TP53BP1: variants seen among roughly 807,000 people sequenced by gnomAD.
The protein encoded by TP53BP1 is tumor protein p53 binding protein 1.
Under a neutral mutation model 200.8 loss-of-function variants are expected in TP53BP1, and 61 were observed. That is an observed-to-expected ratio of 0.30 (90% confidence interval 0.25 to 0.38). The LOEUF is 0.38. TP53BP1 is among the 10% of genes least tolerant of loss of function. The pLI, the probability that TP53BP1 is intolerant of heterozygous loss-of-function variation, is 1.00. For synonymous variants in TP53BP1, 822 were observed against 844.3 expected, an observed-to-expected ratio of 0.97 and a Z score of 0.46; for missense variants, 2,144 against 2,371.9, an observed-to-expected ratio of 0.90 and a Z score of 2.00.
chr15:43,480,138 C>CA (rs2078941964), intron 5 of TP53BP1, 121 bp from the exon 6 acceptor site: 3 of 847,236 alleles, frequency 3.5e-6, no homozygotes, highest in African/African-American at 3.5e-5. Flanking sequence ...GTGCACCCCC[C>CA]AAATTTTTCA....
chr15:43,412,570 G>T (rs553883113), intron 24 of TP53BP1: 1 of 423,198 alleles, frequency 2.4e-6, no homozygotes, highest in East Asian at 7.1e-5. Flanking sequence ...TTAAAGAGAG[G>T]TATAAGAGTT....
chr15:43,433,913 T>C (rs774101158), intron 16 of TP53BP1, among the ~76,000 whole-genome samples: 1 of 152,170 alleles, frequency 6.6e-6, no homozygotes, highest in Admixed American at 6.5e-5. Context: ...CTTTCCTACG[T>C]AGACAGGGTA....
At chr15:43,436,847 G>A (rs1175311630) in intron 16 of TP53BP1, among the ~76,000 whole-genome samples, 1 of 151,980 alleles carries the variant, frequency 6.6e-6, no homozygotes, top group Admixed American at 6.6e-5. Flanking sequence ...CCTCACGACT[G>A]TTCTAAGAGA....
chr15:43,460,267 T>C (rs1436411550), intron 11 of TP53BP1, among the ~76,000 whole-genome samples: 1 of 152,112 alleles, frequency 6.6e-6, no homozygotes, highest in East Asian at 1.9e-4. Flanking sequence ...TTGTTTTGTT[T>C]TGTTTTGTTT....
At position 43,408,225 on chromosome 15, in the gene TP53BP1, C is replaced by A. The variant is rs529590288; in HGVS notation, c.5601-137G>T. 25 of 920,646 alleles carry A rather than the reference C, an allele frequency of 2.7e-5. 1 individual carries two copies. The Admixed American group carries it at 5.0e-4, about 18-fold the overall frequency. 57.0% of individuals were successfully genotyped at this position (920,646 alleles called of 1,614,324 possible). A position where few individuals can be genotyped will look rare whatever the true frequency, so the allele number is the denominator to read the frequency against. ...AGACATAGTGTCTCAAGCCTGTAAT[C>A]CCAGCACTTTGGGAGGCTGTCGTGG... On this transcript the variant is annotated intron_variant, in intron 26 of 27. Transcript: ENST00000382044.
At chr15:43,450,700 A>C (rs2046145912) in intron 12 of TP53BP1, among the ~76,000 whole-genome samples, 1 of 152,174 alleles carries the variant, frequency 6.6e-6, no homozygotes, top group Admixed American at 6.5e-5. Flanking sequence ...AGAGGTCTCC[A>C]AACTGTTAAC....
At chr15:43,439,389 A>T (rs2045876120) in intron 15 of TP53BP1, among the ~76,000 whole-genome samples, 1 of 152,114 alleles carries the variant, frequency 6.6e-6, no homozygotes, top group Admixed American at 6.5e-5. Flanking sequence ...AAACACAAAA[A>T]TTAGCCCCTG....
intron 1 of TP53BP1, among the ~76,000 whole-genome samples, chr15:43,499,330 G>A (rs1311503356): frequency 2.0e-5 from 3 of 152,014 alleles, no homozygotes; most frequent in Non-Finnish European, 4.4e-5. Context: ...TTACCTGTGT[G>A]GCAAAATAAT....
At chr15:43,479,162 G>T (rs1181585540) in intron 7 of TP53BP1, among the ~76,000 whole-genome samples, 6 of 152,100 alleles carry the variant, frequency 3.9e-5, no homozygotes, top group Admixed American at 3.9e-4. Flanking sequence ...AATCACATGA[G>T]CCCAGGGCAA....
chr15:43,447,485 T>C lies in TP53BP1; in HGVS notation c.2717A>G (p.Glu906Gly). Residue 906 changes from glutamate (E) to glycine (G), a missense_variant and splice_region_variant, in exon 13 of 28, where the codon GAA becomes GGA. Glu to Gly is a moderately conservative substitution (Grantham distance 98, BLOSUM62 -2). Transcript: ENST00000382044. ...ASQSFCESSS[E>G]TPFHFTLPKE... ...AGGCAAAGTGAAATGAAATGGGGTT[T>C]CTGAAAAAAAAAAAAAAAAGAAAAA... 7.3e-7 allele frequency: 1 copy of C among 1,377,558 alleles called. No homozygotes were observed. Among genetic ancestry groups the C allele is most frequent in the Admixed American group, 2.8e-5 (1 of 35,378 alleles). The allele number at this position is 1,377,558 out of a possible 1,614,324, so 85.3% of individuals were successfully genotyped here.
intron 1 of TP53BP1, among the ~76,000 whole-genome samples, chr15:43,500,976 G>C (rs1231495449): frequency 6.6e-6 from 1 of 152,024 alleles, no homozygotes; most frequent in Non-Finnish European, 1.5e-5. Flanking sequence ...CAAGTCTGCA[G>C]TGAGCAGTGA....
chr15:43,491,855 A>C (rs1239168104), intron 3 of TP53BP1, 102 bp from the exon 4 acceptor site: 10 of 1,135,226 alleles, frequency 8.8e-6, no homozygotes, highest in Middle Eastern at 1.9e-4. Flanking sequence ...TGACACTAGC[A>C]CATCAACTTT....
chr15:43,413,504 T>A (rs1467891538), intron 23 of TP53BP1, among the ~76,000 whole-genome samples, 170 bp from the exon 24 acceptor site: 1 of 152,192 alleles, frequency 6.6e-6, no homozygotes, highest in Non-Finnish European at 1.5e-5. Flanking sequence ...CCATTCTAAA[T>A]GGCCGACAGC....
chr15:43,457,200 G>A lies in TP53BP1; in HGVS notation c.1408C>T (p.Pro470Ser), dbSNP rs756114379. 1.9e-6 allele frequency: 3 copies of A among 1,608,230 alleles called. No individual in the cohort carries two copies. Residue 470 changes from proline (P) to serine (S), a missense_variant, in exon 12 of 28, where the codon CCA (proline) becomes TCA (serine). Physicochemically the swap from Pro to Ser is moderately conservative, Grantham distance 74. Coordinates refer to ENST00000382044, the MANE Select transcript of TP53BP1 (RefSeq NM_001141980.3). The part of the protein sequence containing the change: ...QFSHDIFIPS[P>S]SLEEQSNDGK... ...TCATTTGATTGTTCTTCCAGACTTG[G>A]GGAAGGAATAAAAATGTCCTAAGGA...
intron 12 of TP53BP1, among the ~76,000 whole-genome samples, chr15:43,455,646 G>C (rs1442711470): frequency 6.6e-6 from 1 of 152,002 alleles, no homozygotes; most frequent in African/African-American, 2.4e-5. Flanking sequence ...ACTTGAACCC[G>C]GGAGGTGGAG....
chr15:43,412,813 A>C (rs903815094), intron 24 of TP53BP1: 8 of 493,258 alleles, frequency 1.6e-5, no homozygotes, highest in Admixed American at 4.7e-5. Context: ...TATTGTGGAC[A>C]AAAAAAACAC....
At chr15:43,491,410 C>G (rs1440834876) in intron 4 of TP53BP1, among the ~76,000 whole-genome samples, 1 of 152,024 alleles carries the variant, frequency 6.6e-6, no homozygotes, top group African/African-American at 2.4e-5. Context: ...TTTTTTTCTA[C>G]TAGGAGGAAT....
At chr15:43,471,586 C>T (rs901164409) in intron 10 of TP53BP1, among the ~76,000 whole-genome samples, 4 of 152,062 alleles carry the variant, frequency 2.6e-5, no homozygotes, top group African/African-American at 9.7e-5. Flanking sequence ...GCCACCACAC[C>T]CAGTTAATTT....
chr15:43,449,195 A>T (rs182353208), intron 12 of TP53BP1, among the ~76,000 whole-genome samples: 3 of 152,348 alleles, frequency 2.0e-5, no homozygotes, highest in East Asian at 3.9e-4. Context: ...TCAACATTAC[A>T]TCTAACTGAC....
Sources: allele counts gnomAD v4.1 joint callset (sites outside exome capture counted in the v4.1 genomes callset), GRCh38; gene constraint gnomAD v4.1.1; transcripts MANE v1.5; gene names NCBI Gene and HGNC (gene_info 2026-07-23, HGNC 2026-07-21).